OR51B5: variants seen among roughly 807,000 people sequenced by gnomAD.
OR51B5 encodes olfactory receptor 51B5.
For missense variants in OR51B5, 456 were observed against 374.6 expected (o/e 1.22, Z -1.79); for synonymous variants, 186 against 144.8 (o/e 1.28, Z -2.04).
chr11:5,447,132 A>C (rs1046212389), intron 1 of OR51B5, among the ~76,000 whole-genome samples: 1 of 152,196 alleles, frequency 6.6e-6, no homozygotes, highest in African/African-American at 2.4e-5. Flanking sequence ...TAATAATACA[A>C]TAAGAATGAG....
intron 1 of OR51B5, among the ~76,000 whole-genome samples, chr11:5,428,511 G>A (rs76637791): frequency 0.1 from 15,530 of 152,150 alleles, 1,126 homozygotes; most frequent in African/African-American, 0.2. Flanking sequence ...ACATCTATGA[G>A]GCACAATAAA....
chr11:5,464,394 C>T (rs192669610), intron 1 of OR51B5, among the ~76,000 whole-genome samples: 94 of 152,030 alleles, frequency 6.2e-4, no homozygotes, highest in African/African-American at 2.2e-3. Context: ...CCCACTAACT[C>T]GTCATCTAGC....
At chr11:5,398,775 T>C (rs1849921770) in intron 1 of OR51B5, among the ~76,000 whole-genome samples, 1 of 152,180 alleles carries the variant, frequency 6.6e-6, no homozygotes, top group Non-Finnish European at 1.5e-5. Flanking sequence ...GCTCACTCTC[T>C]CTTGCCTGCC....
At chr11:5,373,334 G>A (rs949643258) in intron 1 of OR51B5, among the ~76,000 whole-genome samples, 2 of 152,074 alleles carry the variant, frequency 1.3e-5, no homozygotes, top group African/African-American at 4.8e-5. Context: ...CACAAATAAA[G>A]TTCCAGTTTT....
chr11:5,417,079 G>T (rs1281860404), intron 1 of OR51B5, among the ~76,000 whole-genome samples: 5 of 151,380 alleles, frequency 3.3e-5, no homozygotes, highest in Non-Finnish European at 5.9e-5. Context: ...CCAAAACAGA[G>T]ATATAGATCA....
chr11:5,389,651 C>CTG, intron 1 of OR51B5: 2 of 1,613,638 alleles, frequency 1.2e-6, no homozygotes, highest in Non-Finnish European at 1.7e-6. Flanking sequence ...TGACCTGGGG[C>CTG]TGTGTGTGTC....
intron 1 of OR51B5, chr11:5,390,216 T>C: frequency 6.2e-7 from 1 of 1,614,046 alleles, no homozygotes; most frequent in Non-Finnish European, 8.5e-7. Context: ...CTGTCCCTGG[T>C]GCACCGTTTT....
chr11:5,477,333 G>A (rs1047187062), intron 1 of OR51B5, among the ~76,000 whole-genome samples: 8 of 152,164 alleles, frequency 5.3e-5, no homozygotes, highest in Admixed American at 2.0e-4. Flanking sequence ...TGCACTTGGA[G>A]AGCACCTCAG....
intron 1 of OR51B5, among the ~76,000 whole-genome samples, chr11:5,486,311 A>C (rs1851498899): frequency 6.6e-6 from 1 of 151,990 alleles, no homozygotes; most frequent in Non-Finnish European, 1.5e-5. Context: ...TTTGTTTGCT[A>C]TTTATCTGCC....
chr11:5,418,178 T>G (rs1158878101), intron 1 of OR51B5, among the ~76,000 whole-genome samples: 3 of 151,848 alleles, frequency 2.0e-5, no homozygotes, highest in African/African-American at 7.3e-5. Flanking sequence ...CACCGCATAT[T>G]CTCACTCATA....
At chr11:5,399,970 C>T (rs7930818) in intron 1 of OR51B5, among the ~76,000 whole-genome samples, 12 of 152,046 alleles carry the variant, frequency 7.9e-5, no homozygotes, top group African/African-American at 2.4e-4. Context: ...ACGGGAAGAA[C>T]AGCTGCTCAA....
At chr11:5,369,846 G>A (rs966333591) in intron 1 of OR51B5, among the ~76,000 whole-genome samples, 42 of 152,102 alleles carry the variant, frequency 2.8e-4, no homozygotes, top group African/African-American at 9.7e-4. Flanking sequence ...AGTGAATGTA[G>A]ACTAAAATCC....
chr11:5,443,553 G>T (rs1182529088), intron 1 of OR51B5, among the ~76,000 whole-genome samples: 5 of 151,106 alleles, frequency 3.3e-5, no homozygotes, highest in African/African-American at 1.2e-4. Context: ...TTTTCTCTGA[G>T]TCATGAAGAA....
At chr11:5,421,442 C>T (rs1209637665) in intron 1 of OR51B5, among the ~76,000 whole-genome samples, 2 of 152,194 alleles carry the variant, frequency 1.3e-5, no homozygotes, top group Non-Finnish European at 2.9e-5. Flanking sequence ...ACGAGTTATC[C>T]ACTTAAAGCA....
At chr11:5,454,098 G>C in intron 1 of OR51B5, 1 of 1,614,136 alleles carries the variant, frequency 6.2e-7, no homozygotes, top group South Asian at 1.1e-5. Context: ...CTTTGTTCTT[G>C]TATCCACCTT....
At chr11:5,373,851 C>T (rs1255105732) in intron 1 of OR51B5, among the ~76,000 whole-genome samples, 1 of 152,132 alleles carries the variant, frequency 6.6e-6, no homozygotes, top group Non-Finnish European at 1.5e-5. Context: ...TGGACCCCAC[C>T]ACAGCTCAAG....
intron 1 of OR51B5, among the ~76,000 whole-genome samples, chr11:5,377,815 T>C (rs556344482): frequency 1.1e-4 from 17 of 151,884 alleles, no homozygotes; most frequent in Non-Finnish European, 2.2e-4. Context: ...TAAAAGAAGA[T>C]ACAAACAAAT....
intron 1 of OR51B5, among the ~76,000 whole-genome samples, chr11:5,442,759 G>A (rs1339891216): frequency 6.6e-6 from 1 of 151,892 alleles, no homozygotes; most frequent in Non-Finnish European, 1.5e-5. Context: ...TCATTATATC[G>A]TGGCTTCCAC....
chr11:5,388,424 A>T (rs1849735467), intron 1 of OR51B5, among the ~76,000 whole-genome samples: 1 of 151,622 alleles, frequency 6.6e-6, no homozygotes, highest in African/African-American at 2.4e-5. Context: ...GAAGGACATC[A>T]TATCTAAGCT....
Sources: gnomAD v4.1 joint callset for allele counts (sites outside exome capture counted in the v4.1 genomes callset) on GRCh38, gnomAD v4.1.1 for gene constraint, MANE v1.5 for transcripts, NCBI Gene and HGNC (gene_info 2026-07-23, HGNC 2026-07-21) for gene names.